The following CPED1 variants were observed in gnomAD, a reference collection of about 807,000 sequenced individuals.
The protein encoded by CPED1 is cadherin like and PC-esterase domain containing 1, also known as cadherin-like and PC-esterase domain-containing protein 1.
CPED1 carries 114 observed loss-of-function variants against 128.2 expected under a neutral mutation model. The ratio of observed to expected loss-of-function variants is 0.89; its 90% CI spans 0.76 to 1.04. CPED1 has a LOEUF of 1.04. Among genes scored for constraint, CPED1 ranks in the 50% least tolerant of loss-of-function variants. CPED1 has a pLI of 0.00. For synonymous variants in CPED1, 462 were observed against 426.7 expected, an observed-to-expected ratio of 1.08 and a Z score of -1.02; for missense variants, 1,211 against 1,207.1, an observed-to-expected ratio of 1.00 and a Z score of -0.05.
intron 2 of CPED1, among the ~76,000 whole-genome samples, chr7:121,010,337 C>T (rs1792127035): frequency 6.6e-6 from 1 of 152,092 alleles, no homozygotes; most frequent in Non-Finnish European, 1.5e-5. Flanking sequence ...TTGCACCCTC[C>T]ACATCCTGGG....
intron 7 of CPED1, among the ~76,000 whole-genome samples, chr7:121,116,960 CTCTA>C (rs145159727): frequency 0.38 from 30,813 of 82,078 alleles, 3,427 homozygotes; most frequent in Non-Finnish European, 0.43. Context: ...CTCTCTCTCT[CTCTA>C]TATATATATA....
intron 5 of CPED1, among the ~76,000 whole-genome samples, chr7:121,071,035 C>T (rs567669743): frequency 2.6e-5 from 4 of 152,242 alleles, no homozygotes; most frequent in African/African-American, 9.6e-5. Context: ...AACAAATTTC[C>T]TAATAAATTC....
intron 22 of CPED1, among the ~76,000 whole-genome samples, chr7:121,286,525 C>T (rs1480231579): frequency 6.6e-6 from 1 of 152,176 alleles, no homozygotes; most frequent in Non-Finnish European, 1.5e-5. Context: ...ACTACTTTTC[C>T]ACTGGCATTC....
At chr7:121,090,783 T>C (rs1317528721) in intron 5 of CPED1, among the ~76,000 whole-genome samples, 1 of 152,018 alleles carries the variant, frequency 6.6e-6, no homozygotes, top group Non-Finnish European at 1.5e-5. Flanking sequence ...ACCCTGTCTC[T>C]ATTAAAAATA....
At position 121,101,083 on chromosome 7, in the gene CPED1, T is replaced by C. The variant is rs1794839672; in HGVS notation, c.918+989T>C. Among the ~76,000 whole-genome samples, 5 of 152,188 alleles carry C rather than the reference T, an allele frequency of 3.3e-5. No homozygotes were observed. In the South Asian group the frequency reaches 1.0e-3, roughly 32 times the overall value. On this transcript the variant is annotated intron_variant, in intron 7 of 22. Coordinates refer to ENST00000310396, the MANE Select transcript of CPED1 (RefSeq NM_024913.5). ...ATTTAAAACATGCACTCATTGTTTA[T>C]GTTTTCCTATGATTTCTTAGACTTT... is the stretch of plus-strand genomic sequence containing the variant.
chr7:121,282,084 G>A (rs1792475206), intron 22 of CPED1, among the ~76,000 whole-genome samples: 1 of 152,128 alleles, frequency 6.6e-6, no homozygotes, highest in Admixed American at 6.6e-5. Context: ...ACATGTAGTA[G>A]CTCCTTTCCT....
chr7:121,098,170 G>A (rs1584509825), intron 6 of CPED1, among the ~76,000 whole-genome samples: 1 of 152,034 alleles, frequency 6.6e-6, no homozygotes, highest in Non-Finnish European at 1.5e-5. Flanking sequence ...CTATGAATAT[G>A]GCTGGATGCA....
chr7:121,188,604 C>T (rs1336342627), intron 16 of CPED1, among the ~76,000 whole-genome samples: 1 of 151,844 alleles, frequency 6.6e-6, no homozygotes, highest in Admixed American at 6.6e-5. Context: ...TAAAAGATTC[C>T]AAAACTGAGC....
At chr7:121,069,814 A>G (rs754618410) in intron 5 of CPED1, among the ~76,000 whole-genome samples, 12 of 152,186 alleles carry the variant, frequency 7.9e-5, no homozygotes, top group African/African-American at 1.2e-4. Flanking sequence ...AAAACAAAAC[A>G]TAAGAGAACT....
chr7:121,133,196 C>T (rs1422654247), intron 12 of CPED1, among the ~76,000 whole-genome samples: 6 of 152,038 alleles, frequency 3.9e-5, no homozygotes, highest in Non-Finnish European at 8.8e-5. Flanking sequence ...TGTTCTTTAT[C>T]ATCAGGACCA....
chr7:121,060,175 C>G (rs552921770), intron 4 of CPED1, among the ~76,000 whole-genome samples: 1 of 152,200 alleles, frequency 6.6e-6, no homozygotes, highest in Non-Finnish European at 1.5e-5. Flanking sequence ...GCGCTGTGCT[C>G]GATTTCTCGC....
intron 3 of CPED1, among the ~76,000 whole-genome samples, chr7:121,043,931 T>C (rs1793121570): frequency 6.6e-6 from 1 of 152,232 alleles, no homozygotes; most frequent in Admixed American, 6.5e-5. Context: ...GCTGGAGACC[T>C]TGGGCATTTG....
chr7:121,058,166 G>T (rs1793551147), intron 4 of CPED1, among the ~76,000 whole-genome samples: 1 of 152,116 alleles, frequency 6.6e-6, no homozygotes, highest in Admixed American at 6.5e-5. Context: ...CAGCGATGGG[G>T]CCATTGGAAC....
intron 21 of CPED1, among the ~76,000 whole-genome samples, chr7:121,269,351 G>A (rs1792191324): frequency 6.6e-6 from 1 of 152,048 alleles, no homozygotes. Flanking sequence ...AGGCTGCATA[G>A]TATTCTGTGG....
chr7:121,292,421 T>A (rs919663146), intron 22 of CPED1, among the ~76,000 whole-genome samples: 1 of 152,020 alleles, frequency 6.6e-6, no homozygotes, highest in East Asian at 1.9e-4. Context: ...TCCTGTAACC[T>A]TTTATCAAGG....
chr7:121,035,279 C>A (rs1044959574), intron 3 of CPED1, among the ~76,000 whole-genome samples: 1 of 151,998 alleles, frequency 6.6e-6, no homozygotes, highest in African/African-American at 2.4e-5. Context: ...GAGAATAACT[C>A]TGACTATAGG....
intron 22 of CPED1, among the ~76,000 whole-genome samples, chr7:121,286,462 C>T (rs906521167): frequency 6.6e-6 from 1 of 152,146 alleles, no homozygotes; most frequent in Non-Finnish European, 1.5e-5. Flanking sequence ...ATTACAGAGG[C>T]CTATGTATTA....
chr7:121,173,388 G>A (rs1796699235), intron 16 of CPED1, among the ~76,000 whole-genome samples: 1 of 151,936 alleles, frequency 6.6e-6, no homozygotes, highest in Admixed American at 6.6e-5. Flanking sequence ...TATCTTTTCT[G>A]CTCTTTTCCT....
chr7:121,252,459 TGAC>T, intron 18 of CPED1, among the ~76,000 whole-genome samples: 1 of 151,000 alleles, frequency 6.6e-6, no homozygotes, highest in Non-Finnish European at 1.5e-5. Flanking sequence ...AAGCCAAAAT[TGAC>T]AAATGGGATC....
Sources: allele counts gnomAD v4.1 joint callset (sites outside exome capture counted in the v4.1 genomes callset), GRCh38; gene constraint gnomAD v4.1.1; transcripts MANE v1.5; gene names NCBI Gene and HGNC (gene_info 2026-07-23, HGNC 2026-07-21).